ANO10: variants seen among roughly 807,000 people sequenced by gnomAD.
ANO10 encodes anoctamin-10.
A neutral mutation model predicts 74.7 loss-of-function variants in ANO10; 77 were observed. That is an observed-to-expected ratio of 1.03 (90% confidence interval 0.86 to 1.25). The LOEUF is 1.25. Ranked by LOEUF, ANO10 falls within the 50% of genes most tolerant of loss-of-function variation. The pLI is 0.00. For synonymous variants in ANO10, 279 were observed against 284.9 expected (o/e 0.98, Z 0.21); for missense variants, 721 against 778.1 (o/e 0.93, Z 0.87).
At position 43,577,181 on chromosome 3, in the gene ANO10, T is replaced by A. The variant is rs1254505862; in HGVS notation, c.673A>T (p.Met225Leu). 5.0e-6 allele frequency: 8 copies of A among 1,614,030 alleles called. No homozygotes were observed. The highest frequency in any genetic ancestry group is 4.5e-5 in the East Asian group (2 of 44,890). ...LEYFTFALIP[M>L]AVIGLPYYLF... ...TAGTAAGGTAACCCAATGACAGCCA[T>A]GGGGATTAATGCAAAAGTGAAATAC... The change falls in exon 6 of 13, where the codon ATG (methionine) becomes TTG (leucine). Residue 225 changes from methionine (M) to leucine (L), a missense_variant. Physicochemically the swap from Met to Leu is conservative, Grantham distance 15. Coordinates refer to ENST00000292246, the MANE Select transcript of ANO10 (RefSeq NM_018075.5).
chr3:43,570,547 G>A (rs1268922267), intron 7 of ANO10, among the ~76,000 whole-genome samples: 2 of 152,152 alleles, frequency 1.3e-5, no homozygotes, highest in South Asian at 2.1e-4. Flanking sequence ...ACAACTATCT[G>A]ATCTTTGACA....
At chr3:43,604,185 T>C (rs539080738) in intron 2 of ANO10, among the ~76,000 whole-genome samples, 19 of 151,914 alleles carry the variant, frequency 1.3e-4, no homozygotes, top group African/African-American at 3.9e-4. Flanking sequence ...GTAGTTAGCA[T>C]ACCCATCATC....
At chr3:43,402,300 G>T (rs1575675937) in intron 12 of ANO10, among the ~76,000 whole-genome samples, 1 of 152,078 alleles carries the variant, frequency 6.6e-6, no homozygotes. Flanking sequence ...AACAGAGCTC[G>T]CTCCACATCA....
chr3:43,391,355 T>C (rs1465219098), intron 12 of ANO10, among the ~76,000 whole-genome samples: 3 of 152,256 alleles, frequency 2.0e-5, no homozygotes, highest in Admixed American at 6.5e-5. Flanking sequence ...AAAAAACATA[T>C]AAGGATGAAT....
intron 1 of ANO10, among the ~76,000 whole-genome samples, chr3:43,633,955 C>G (rs2083577865): frequency 6.8e-6 from 1 of 146,732 alleles, no homozygotes; most frequent in African/African-American, 2.5e-5. Flanking sequence ...AGCAAACCTG[C>G]TCAACCTGAG....
At chr3:43,565,612 A>G (rs1175185853) in intron 8 of ANO10, 41 bp downstream of exon 8, 4 of 1,475,198 alleles carry the variant, frequency 2.7e-6, no homozygotes, top group Non-Finnish European at 3.7e-6. Context: ...AACCACCTCT[A>G]TGACCTAAAA....
intron 1 of ANO10, among the ~76,000 whole-genome samples, chr3:43,640,023 T>C (rs1018670201): frequency 6.6e-6 from 1 of 151,942 alleles, no homozygotes; most frequent in Admixed American, 6.6e-5. Flanking sequence ...AGGGTGAAAG[T>C]GGGGTGGTAA....
At chr3:43,578,579 G>A (rs1252919329) in intron 5 of ANO10, among the ~76,000 whole-genome samples, 4 of 151,956 alleles carry the variant, frequency 2.6e-5, no homozygotes, top group South Asian at 2.1e-4. Flanking sequence ...GGGAAACCCC[G>A]TCTCTACCAA....
At chr3:43,626,796 TTC>T (rs1412564445), upstream of ANO10, among the ~76,000 whole-genome samples, 11 of 152,234 alleles carry the variant, frequency 7.2e-5, no homozygotes, top group African/African-American at 2.7e-4. Context: ...GAACTTTCTA[TTC>T]TGTCTTATTA....
At chr3:43,680,120 A>G (rs991842786) in intron 1 of ANO10, among the ~76,000 whole-genome samples, 5 of 152,192 alleles carry the variant, frequency 3.3e-5, no homozygotes, top group African/African-American at 1.2e-4. Flanking sequence ...AGAAGACTTC[A>G]GATGATCAAA....
intron 1 of ANO10, among the ~76,000 whole-genome samples, chr3:43,610,579 A>G (rs560829079): frequency 5.8e-4 from 88 of 152,324 alleles, no homozygotes; most frequent in African/African-American, 2.1e-3. Context: ...AGCAGGTGAC[A>G]CGAATTTCTC....
rs553136107 is a variant in ANO10, at chr3:43,649,066, A to G, written c.-12+42451T>C. ...GACCTCCTATCTCATCCTGTGATTTAGAATCCCTTAACTGTCTGGGAATGC... is the reference window on the plus strand; with the variant it reads ...GACCTCCTATCTCATCCTGTGATTTGGAATCCCTTAACTGTCTGGGAATGC... On this transcript the variant is annotated intron_variant, in intron 1 of 3. Coordinates refer to the ANO10 transcript ENST00000413397. Among the ~76,000 whole-genome samples the G allele has an allele frequency of 2.6e-4, 39 of 152,290 alleles. No homozygotes were observed. The South Asian group carries it at 8.1e-3, about 32-fold the overall frequency.
intron 11 of ANO10, among the ~76,000 whole-genome samples, chr3:43,500,925 A>G (rs2077076908): frequency 6.6e-6 from 1 of 152,202 alleles, no homozygotes; most frequent in Non-Finnish European, 1.5e-5. Flanking sequence ...AAGGCAGACC[A>G]TCTTATAACA....
At chr3:43,587,279 G>C (rs1187223263) in intron 4 of ANO10, among the ~76,000 whole-genome samples, 2 of 152,142 alleles carry the variant, frequency 1.3e-5, no homozygotes, top group African/African-American at 4.8e-5. Flanking sequence ...ACAACCCAGA[G>C]ACAGGGGAGA....
chr3:43,559,289 G>A (rs1227956078), intron 9 of ANO10, among the ~76,000 whole-genome samples: 1 of 152,166 alleles, frequency 6.6e-6, no homozygotes, highest in African/African-American at 2.4e-5. Context: ...ACCATTCACT[G>A]AGCCAGGGGC....
intron 12 of ANO10, among the ~76,000 whole-genome samples, chr3:43,415,174 A>G (rs2092719764): frequency 6.6e-6 from 1 of 151,610 alleles, no homozygotes; most frequent in Admixed American, 6.6e-5. Context: ...ATGGGGTTTC[A>G]CCATGCTGGC....
intron 2 of ANO10, among the ~76,000 whole-genome samples, chr3:43,604,575 T>A (rs2082478205): frequency 6.6e-6 from 1 of 152,100 alleles, no homozygotes; most frequent in African/African-American, 2.4e-5. Context: ...TATTGTCAAT[T>A]TAACAGGAGG....
intron 12 of ANO10, among the ~76,000 whole-genome samples, chr3:43,412,265 A>C (rs1015406487): frequency 6.6e-6 from 1 of 152,050 alleles, no homozygotes; most frequent in Non-Finnish European, 1.5e-5. Context: ...CCCTCTGACC[A>C]AGCACACAGG....
At chr3:43,551,880 C>T (rs951451360) in intron 10 of ANO10, among the ~76,000 whole-genome samples, 1 of 152,198 alleles carries the variant, frequency 6.6e-6, no homozygotes, top group Non-Finnish European at 1.5e-5. Context: ...TTAATCCACT[C>T]TCCCAATCTC....
Sources: gnomAD v4.1 joint callset for allele counts (sites outside exome capture counted in the v4.1 genomes callset) on GRCh38, gnomAD v4.1.1 for gene constraint, MANE v1.5 for transcripts, NCBI Gene and HGNC (gene_info 2026-07-23, HGNC 2026-07-21) for gene names.